The following LRRC4 variants were observed in gnomAD, a reference collection of about 807,000 sequenced individuals.
LRRC4 encodes the protein leucine-rich repeat-containing protein 4.
LRRC4 carries 11 observed loss-of-function variants against 37.9 expected under a neutral mutation model. That is an observed-to-expected ratio of 0.29 (90% CI 0.18 to 0.48). The LOEUF (loss-of-function observed/expected upper bound fraction) is 0.48, where lower values mean the gene tolerates loss of function less well. Ranked by LOEUF, LRRC4 falls within the 20% of genes least tolerant of loss-of-function variation. The pLI, the probability that LRRC4 is intolerant of heterozygous loss-of-function variation, is 0.99. For missense variants in LRRC4, 717 were observed against 842.1 expected (o/e 0.85, Z 1.84); for synonymous variants, 404 against 346.7 (o/e 1.17, Z -1.84).
In LRRC4 at chr7:128,029,678, G is replaced by T. The variant is rs746875826; in HGVS notation, c.963C>A (p.Thr321=). ...LAWWLREYIP[T]NSTCCGRCHA... is the part of the protein sequence containing the mutation. ...GACAGCGGCCACAGCAGGTGGAATT[G>T]GTGGGTATATACTCTCGAAGCCACC... The change falls in exon 2 of 2, where the codon ACC becomes ACA. Residue 321 remains threonine (T), a synonymous_variant. Transcript: ENST00000249363. This position sits in a 1 kb window ranked among gnomAD's most constrained non-coding sequence, Gnocchi z 4.2. 1.2e-6 allele frequency: 2 copies of T among 1,613,950 alleles called. No homozygotes were observed. The highest frequency in any genetic ancestry group is 3.3e-5 in the Admixed American group (2 of 60,012).
chr7:128,030,559 C>T lies in LRRC4; in HGVS notation c.82G>A (p.Val28Met). The change falls in exon 2 of 2, where the codon GTG becomes ATG. Residue 28 changes from valine (V) to methionine (M), a missense_variant. Coordinates refer to ENST00000249363, the MANE Select transcript of LRRC4 (RefSeq NM_022143.5). ...GCGATGGCTGCACACAGAATCCACACTTGCGCCGTGAGGTAGACGAACGGG... is the reference window on the plus strand; with the variant it reads ...GCGATGGCTGCACACAGAATCCACATTTGCGCCGTGAGGTAGACGAACGGG... The part of the protein sequence containing the change: ...LLPFVYLTAQ[V>M]WILCAAIAAA... 2 of 1,612,392 alleles carry T rather than the reference C, an allele frequency of 1.2e-6. No individual in the cohort carries two copies. Among genetic ancestry groups the T allele is most frequent in the South Asian group, 1.1e-5 (1 of 90,878 alleles).
At position 128,029,322 on chromosome 7, in the gene LRRC4, T is replaced by C. The variant is rs748553631; in HGVS notation, c.1319A>G (p.Asn440Ser). Residue 440 changes from asparagine (N) to serine (S), a missense_variant, in exon 2 of 2, where the codon AAT becomes AGT. Transcript: ENST00000249363. The surrounding 1 kb of genome is among the most constrained non-coding windows in gnomAD (Gnocchi z 4.2). ...AGNSNASAYL[N>S]VSTAELNTSN... ...GGTGTTAAGCTCAGCCGTGCTCACA[T>C]TGAGGTAGGCCGAGGCGTTGGAGTT... The C allele has an allele frequency of 3.1e-6, 5 of 1,613,990 alleles. No homozygotes were observed. Among genetic ancestry groups the C allele is most frequent in the African/African-American group, 2.7e-5 (2 of 74,892 alleles).
Position 128,030,626 on chromosome 7 carries a change from C to A in LRRC4, c.15G>T (p.Trp5Cys). The A allele has an allele frequency of 6.4e-7, 1 of 1,560,930 alleles. No homozygotes were observed. The highest frequency in any genetic ancestry group is 8.7e-7 in the Non-Finnish European group (1 of 1,149,732). MKLL[W>C]QVTVHHHTWN... ...AGGTGTGGTGGTGCACAGTTACCTGCCACAAGAGCTTCATGGTGTGGCACG... is the reference window on the plus strand; with the variant it reads ...AGGTGTGGTGGTGCACAGTTACCTGACACAAGAGCTTCATGGTGTGGCACG... Residue 5 changes from tryptophan (W) to cysteine (C), a missense_variant, in exon 2 of 2, where the codon TGG (tryptophan) becomes TGT (cysteine). Coordinates refer to ENST00000249363, the MANE Select transcript of LRRC4 (RefSeq NM_022143.5).
At position 128,030,714 on chromosome 7, in the gene LRRC4, A is replaced by C; in HGVS notation, c.-74T>G. On this transcript the variant is annotated 5_prime_UTR_variant, in exon 2 of 2. Transcript: ENST00000249363. ...AGGAGAACCAGCCCTACCCCGGCTT[A>C]AGTGAGCTAGGAGCTCCTCTTTCCA... 6 of 1,496,370 alleles carry C rather than the reference A, an allele frequency of 4.0e-6. No homozygotes were observed. In the Middle Eastern group the frequency reaches 7.2e-4, roughly 180 times the overall value. The allele number at this position is 1,496,370 out of a possible 1,614,324, so 92.7% of individuals were successfully genotyped here.
Position 128,028,580 on chromosome 7 carries a change from A to G in LRRC4, c.*99T>C, listed in dbSNP as rs796839952. 8.0e-6 allele frequency: 9 copies of G among 1,118,816 alleles called. No individual in the cohort carries two copies. In the African/African-American group the frequency reaches 1.3e-4, roughly 16 times the overall value. 69.3% of individuals were successfully genotyped at this position (1,118,816 alleles called of 1,614,324 possible). A position where few individuals can be genotyped will look rare whatever the true frequency, so the allele number is the denominator to read the frequency against. On this transcript the variant is annotated 3_prime_UTR_variant, in exon 2 of 2. Transcript: ENST00000249363. ...TTTAACCAGCCCATAGACTTAATAT[A>G]TAAGCATATACAAGAAAAAGTCTCT...
In LRRC4 at chr7:128,028,278, G is replaced by A. The variant is rs1223303796; in HGVS notation, c.*401C>T. On this transcript the variant is annotated 3_prime_UTR_variant, in exon 2 of 2. Transcript: ENST00000249363. ...AATGGATAGTCCTGTGTCCTATGAA[G>A]CATCTTCTAAAAAATGACAGATTCA... 6.0e-6 allele frequency: 1 copy of A among 166,860 alleles called. No individual in the cohort carries two copies. The highest frequency in any genetic ancestry group is 1.3e-5 in the Non-Finnish European group (1 of 76,686). 10.3% of individuals were successfully genotyped at this position (166,860 alleles called of 1,614,324 possible).
rs1425376966 is a variant in LRRC4, at chr7:128,030,500, G to A, written c.141C>T (p.Pro47=). Residue 47 remains proline, a synonymous_variant, in exon 2 of 2, where the codon CCC becomes CCT. Coordinates refer to ENST00000249363, the MANE Select transcript of LRRC4 (RefSeq NM_022143.5). The stretch of plus-strand genomic sequence containing the variant: ...ACTGGTTACTGCACGAGCAGACGGA[G>A]GGGCAGTTCTGGGGCCCGGCTGAGG... The part of the protein sequence containing the change: ...AAASAGPQNC[P]SVCSCSNQFS... The A allele has an allele frequency of 1.9e-6, 3 of 1,613,378 alleles. No homozygotes were observed. Among genetic ancestry groups the A allele is most frequent in the Non-Finnish European group, 2.5e-6 (3 of 1,179,962 alleles).
At position 128,028,613 on chromosome 7, in the gene LRRC4, C is replaced by A. The variant is rs938045433; in HGVS notation, c.*66G>T. 5.5e-6 allele frequency: 8 copies of A among 1,457,476 alleles called. No homozygotes were observed. In the Middle Eastern group the frequency reaches 9.8e-4, roughly 179 times the overall value. 90.3% of individuals were successfully genotyped at this position (1,457,476 alleles called of 1,614,324 possible). A position where few individuals can be genotyped will look rare whatever the true frequency, so the allele number is the denominator to read the frequency against. On this transcript the variant is annotated 3_prime_UTR_variant, in exon 2 of 2. Coordinates refer to ENST00000249363, the MANE Select transcript of LRRC4 (RefSeq NM_022143.5). ...ATACAAGAAAAAGTCTCTCCCCACTCTGTACAAAAGTTGCTGTCTTTGTGT... is the reference window on the plus strand; with the variant it reads ...ATACAAGAAAAAGTCTCTCCCCACTATGTACAAAAGTTGCTGTCTTTGTGT...
Position 128,029,907 on chromosome 7 carries a change from T to C in LRRC4, c.734A>G (p.Lys245Arg), listed in dbSNP as rs142489489. ...PGSFHGLSSL[K>R]KLWVMNSQVS... ...CTGTGAGTTCATGACCCAGAGCTTC[T>C]TGAGGGAGCTCAGGCCATGGAAGGA... is the stretch of plus-strand genomic sequence containing the variant. Residue 245 changes from lysine (K) to arginine (R), a missense_variant, in exon 2 of 2, where the codon AAG becomes AGG. Physicochemically the swap from Lys to Arg is conservative, Grantham distance 26 (BLOSUM62 2). Coordinates refer to ENST00000249363, the MANE Select transcript of LRRC4 (RefSeq NM_022143.5). The surrounding 1 kb of genome is among the most constrained non-coding windows in gnomAD (Gnocchi z 4.2). 1.2e-6 allele frequency: 2 copies of C among 1,613,124 alleles called. No homozygotes were observed. The highest frequency in any genetic ancestry group is 2.7e-5 in the African/African-American group (2 of 74,928).
In LRRC4 at chr7:128,029,601, G is replaced by A; in HGVS notation, c.1040C>T (p.Ser347Phe). The change falls in exon 2 of 2, where the codon TCC becomes TTC. Residue 347 changes from serine (S) to phenylalanine (F), a missense_variant. This residue lies in a region of LRRC4 where 293 missense variants were observed against 268.3 expected (regional missense o/e 1.09). Coordinates refer to ENST00000249363, the MANE Select transcript of LRRC4 (RefSeq NM_022143.5). The surrounding 1 kb of genome is among the most constrained non-coding windows in gnomAD (Gnocchi z 4.2). ...GRYLVEVDQASFQCSAPFIMD... is the reference protein window; with the variant it reads ...GRYLVEVDQAFFQCSAPFIMD... ...GATGAAGGGGGCAGAGCACTGGAAGGAGGCCTGGTCCACCTCCACGAGGTA... is the reference window on the plus strand; with the variant it reads ...GATGAAGGGGGCAGAGCACTGGAAGAAGGCCTGGTCCACCTCCACGAGGTA... The A allele has an allele frequency of 6.2e-7, 1 of 1,614,080 alleles. No homozygotes were observed. Among genetic ancestry groups the A allele is most frequent in the Non-Finnish European group, 8.5e-7 (1 of 1,180,030 alleles).
chr7:128,028,696 G>A lies in LRRC4; in HGVS notation c.1945C>T (p.Gln649Ter). The A allele has an allele frequency of 6.2e-7, 1 of 1,612,844 alleles. No homozygotes were observed. The highest frequency in any genetic ancestry group is 8.5e-7 in the Non-Finnish European group (1 of 1,179,276). ...IIQTHTKDKV[Q>*]ETQI is the part of the protein sequence containing the mutation. ...GAGGGGAGTCATATTTGAGTTTCCT[G>A]TACCTTGTCCTTGGTATGGGTCTGA... The change falls in exon 2 of 2, where the codon CAG (glutamine) becomes TAG (stop). Residue 649 changes from glutamine (Q) to a stop codon, truncating the protein, a stop_gained. Transcript: ENST00000249363. LOFTEE classifies it high-confidence loss of function.
In LRRC4 at chr7:128,028,504, A is replaced by G. The variant is rs1314443187; in HGVS notation, c.*175T>C. ...TTTAAATAGAACTTACAAGTTAGAA[A>G]ATATTTTTGTTTTGACTTTTTGTCT... On this transcript the variant is annotated 3_prime_UTR_variant, in exon 2 of 2. Coordinates refer to ENST00000249363, the MANE Select transcript of LRRC4 (RefSeq NM_022143.5). 1.5e-6 allele frequency: 1 copy of G among 647,750 alleles called. No individual in the cohort carries two copies. The highest frequency in any genetic ancestry group is 2.5e-6 in the Non-Finnish European group (1 of 403,432). 40.1% of individuals were successfully genotyped at this position (647,750 alleles called of 1,614,324 possible).
At position 128,031,045 on chromosome 7, in the gene LRRC4, G is replaced by A. The variant is rs1792576549; in HGVS notation, c.-233C>T. On this transcript the variant is annotated 5_prime_UTR_variant, in exon 1 of 2. Coordinates refer to ENST00000249363, the MANE Select transcript of LRRC4 (RefSeq NM_022143.5). ...GGAAGTGGTGGGGGCGGGGAGGGCA[G>A]AGGGGAGGGGAGGGGAGGGGAGGGA... 6.9e-6 allele frequency: 1 copy of A among 144,790 alleles called. No individual in the cohort carries two copies. Among genetic ancestry groups the A allele is most frequent in the South Asian group, 2.3e-4 (1 of 4,284 alleles). 9.0% of individuals were successfully genotyped at this position (144,790 alleles called of 1,614,324 possible). A position where few individuals can be genotyped will look rare whatever the true frequency, so the allele number is the denominator to read the frequency against.
Position 128,029,164 on chromosome 7 carries a change from C to G in LRRC4, c.1477G>C (p.Val493Leu), listed in dbSNP as rs1481748327. Residue 493 changes from valine (V) to leucine (L), a missense_variant, in exon 2 of 2, where the codon GTG (valine) becomes CTG (leucine). Val to Leu is a conservative substitution (Grantham distance 32). Transcript: ENST00000249363. This position sits in a 1 kb window ranked among gnomAD's most constrained non-coding sequence, Gnocchi z 4.2. ...GGCACACGGGTAGTCTGAATGAGCA[C>G]CGTGGTAGAGGTGGTATATGCCGGC... Reference protein sequence around the residue: ...YQPAYTTSTTVLIQTTRVPKQ... With the variant: ...YQPAYTTSTTLLIQTTRVPKQ... 1.2e-6 allele frequency: 2 copies of G among 1,613,862 alleles called. No individual in the cohort carries two copies. The highest frequency in any genetic ancestry group is 2.2e-5 in the East Asian group (1 of 44,888).
chr7:128,031,228 T>G lies in LRRC4; in HGVS notation c.-416A>C, dbSNP rs1265464254. ...AGCGGCGCCACCAGCGCTTCCCGGC[T>G]TTGTCCTTGGACCCTGGCACCGGCT... On this transcript the variant is annotated 5_prime_UTR_variant, in exon 1 of 2. Coordinates refer to ENST00000249363, the MANE Select transcript of LRRC4 (RefSeq NM_022143.5). Among the ~76,000 whole-genome samples, 1 of 152,050 alleles carries G rather than the reference T, an allele frequency of 6.6e-6. No individual in the cohort carries two copies. The highest frequency in any genetic ancestry group is 1.5e-5 in the Non-Finnish European group (1 of 67,968).
At position 128,029,703 on chromosome 7, in the gene LRRC4, C is replaced by G. The variant is rs775554444; in HGVS notation, c.938G>C (p.Trp313Ser). 3 of 1,613,948 alleles carry G rather than the reference C, an allele frequency of 1.9e-6. No individual in the cohort carries two copies. The highest frequency in any genetic ancestry group is 2.5e-6 in the Non-Finnish European group (3 of 1,180,024). The change falls in exon 2 of 2, where the codon TGG becomes TCG. Residue 313 changes from tryptophan to serine, a missense_variant. By Grantham distance (177) the Trp-to-Ser change is radical (BLOSUM62 -3). Transcript: ENST00000249363. The surrounding 1 kb of genome is among the most constrained non-coding windows in gnomAD (Gnocchi z 4.2). ...GGTGGGTATATACTCTCGAAGCCAC[C>G]AGGCTAGCCACAGAATGTCACAATC... is the stretch of plus-strand genomic sequence containing the variant. ...NCDCDILWLA[W>S]WLREYIPTNS...
chr7:128,031,710 A>AGAGTCCGGGGGCGGGCGC (rs1792610072), upstream of LRRC4: 2 of 141,382 alleles, frequency 1.4e-5, no homozygotes, highest in Admixed American at 1.4e-4. Context: ...GCCCCTTCAG[A>AGAGTCCGGGGGCGGGCGC]GAGTCCGGGG....
rs370724359 is a variant in LRRC4 at position 128,030,648 on chromosome 7, C to T, written c.-8G>A. 1 of 1,544,108 alleles carries T rather than the reference C, an allele frequency of 6.5e-7. No individual in the cohort carries two copies. The highest frequency in any genetic ancestry group is 8.8e-7 in the Non-Finnish European group (1 of 1,141,740). Reference sequence around the variant, plus strand: ...CTGCCACAAGAGCTTCATGGTGTGGCACGTTCATAATTCACCATCGCCTGG... The same window carrying T: ...CTGCCACAAGAGCTTCATGGTGTGGTACGTTCATAATTCACCATCGCCTGG... On this transcript the variant is annotated 5_prime_UTR_variant, in exon 2 of 2. Transcript: ENST00000249363.
In LRRC4 at chr7:128,030,683, T is replaced by C; in HGVS notation, c.-43A>G. ...ATTCACCATCGCCTGGGATTTTGGC[T>C]CGGAAAGGAGAACCAGCCCTACCCC... On this transcript the variant is annotated 5_prime_UTR_variant, in exon 2 of 2. Coordinates refer to ENST00000249363, the MANE Select transcript of LRRC4 (RefSeq NM_022143.5). 6.6e-7 allele frequency: 1 copy of C among 1,522,926 alleles called. No homozygotes were observed. The highest frequency in any genetic ancestry group is 1.3e-5 in the South Asian group (1 of 77,132). The allele number at this position is 1,522,926 out of a possible 1,614,324, so 94.3% of individuals were successfully genotyped here.
Sources: gnomAD v4.1 joint callset for allele counts (sites outside exome capture counted in the v4.1 genomes callset) on GRCh38, gnomAD v4.1.1 for gene constraint, gnomAD v4.1.1 regional missense constraint, Gnocchi (gnomAD v3.1) non-coding constraint, MANE v1.5 for transcripts, NCBI Gene and HGNC (gene_info 2026-07-23, HGNC 2026-07-21) for gene names.